PDE3B: variants seen among roughly 807,000 people sequenced by gnomAD.
PDE3B encodes the protein cGMP-inhibited 3',5'-cyclic phosphodiesterase 3B.
Under a neutral mutation model 116.8 loss-of-function variants are expected in PDE3B, and 66 were observed. The ratio of observed to expected loss-of-function variants is 0.56; its 90% CI spans 0.46 to 0.69. The LOEUF is 0.69. Among genes scored for constraint, PDE3B ranks in the 30% least tolerant of loss-of-function variants. The probability of loss-of-function intolerance (pLI) is 0.00; values close to 1 mark genes in which losing one functional copy is unlikely to be tolerated. For synonymous variants in PDE3B, 595 were observed against 533.6 expected, an observed-to-expected ratio of 1.12 and a Z score of -1.59; for missense variants, 1,384 against 1,368.1, an observed-to-expected ratio of 1.01 and a Z score of -0.18.
At chr11:14,834,940 T>C (rs1364043996) in intron 10 of PDE3B, 42 bp from the exon 11 acceptor site, 4 of 1,034,720 alleles carry the variant, frequency 3.9e-6, no homozygotes, top group East Asian at 2.4e-5. Flanking sequence ...TTTTTAAATG[T>C]TGTGTGTTAA....
At chr11:14,674,351 T>A (rs911518521) in intron 1 of PDE3B, 2 of 805,398 alleles carry the variant, frequency 2.5e-6, no homozygotes, top group Admixed American at 3.7e-5. Flanking sequence ...TTCTGCAAAT[T>A]AGTGTCCTTG....
chr11:14,815,938 T>TACAC (rs35596025), intron 5 of PDE3B, among the ~76,000 whole-genome samples: 10,858 of 146,178 alleles, frequency 0.074, 525 homozygotes, highest in African/African-American at 0.14. Context: ...ATTATATTTA[T>TACAC]ACACACACAC....
chr11:14,844,905 G>A (rs979468264), intron 12 of PDE3B, among the ~76,000 whole-genome samples: 9 of 152,232 alleles, frequency 5.9e-5, no homozygotes, highest in African/African-American at 2.2e-4. Flanking sequence ...ACCTCTGGGG[G>A]CAGGGCACAG....
At chr11:14,659,994 A>G (rs1853841771) in intron 1 of PDE3B, among the ~76,000 whole-genome samples, 1 of 152,180 alleles carries the variant, frequency 6.6e-6, no homozygotes, top group African/African-American at 2.4e-5. Flanking sequence ...TGTTCCCCCA[A>G]ATAGTTCACC....
chr11:14,694,712 C>G (rs1855152670), intron 1 of PDE3B, among the ~76,000 whole-genome samples: 1 of 152,134 alleles, frequency 6.6e-6, no homozygotes, highest in Non-Finnish European at 1.5e-5. Context: ...CTGATACTCA[C>G]TTTATTTCAG....
the PDE3B span, among the ~76,000 whole-genome samples, chr11:14,890,700 C>T: frequency 2.6e-5 from 4 of 151,886 alleles, no homozygotes; most frequent in African/African-American, 9.7e-5. Context: ...GTGCCCGCCA[C>T]CACGCCCGGC....
chr11:14,749,920 T>TATATATATATATATA (rs1554989222), intron 1 of PDE3B, among the ~76,000 whole-genome samples: 1 of 41,524 alleles, frequency 2.4e-5, no homozygotes, highest in Non-Finnish European at 4.9e-5. Flanking sequence ...ATATGTATCT[T>TATATATATATATATA]TGTGGAAGCT....
At chr11:14,866,584 A>C (rs1193955094) in intron 14 of PDE3B, among the ~76,000 whole-genome samples, 1 of 152,180 alleles carries the variant, frequency 6.6e-6, no homozygotes, top group African/African-American at 2.4e-5. Flanking sequence ...AATCTCGTAA[A>C]AGATTTCTAA....
At chr11:14,820,620 A>C (rs915686963) in intron 7 of PDE3B, among the ~76,000 whole-genome samples, 13 of 152,174 alleles carry the variant, frequency 8.5e-5, no homozygotes, top group Non-Finnish European at 1.9e-4. Context: ...CATGTGTCGA[A>C]ATCCTATACC....
intron 2 of PDE3B, among the ~76,000 whole-genome samples, chr11:14,777,213 A>G (rs1419595990): frequency 6.6e-6 from 1 of 152,188 alleles, no homozygotes; most frequent in Non-Finnish European, 1.5e-5. Flanking sequence ...ATTTTACAAC[A>G]TAGAGGAAAC....
At chr11:14,864,988 T>C (rs1489786016) in intron 14 of PDE3B, among the ~76,000 whole-genome samples, 1 of 151,564 alleles carries the variant, frequency 6.6e-6, no homozygotes, top group Non-Finnish European at 1.5e-5. Context: ...ATAACTAAGA[T>C]CAGAGCAGAA....
intron 12 of PDE3B, among the ~76,000 whole-genome samples, chr11:14,849,159 A>G (rs950569316): frequency 2.6e-5 from 4 of 152,232 alleles, no homozygotes; most frequent in African/African-American, 9.6e-5. Flanking sequence ...ATGGAACAGA[A>G]CAGAGCCCTC....
At chr11:14,795,894 A>G (rs1208392038) in intron 4 of PDE3B, among the ~76,000 whole-genome samples, 1 of 152,044 alleles carries the variant, frequency 6.6e-6, no homozygotes, top group African/African-American at 2.4e-5. Flanking sequence ...TTATCATTAT[A>G]CTTTCAGTTC....
rs1003321560 is a variant in PDE3B, at chr11:14,833,182, A to T, written c.2206+349A>T. ...TGGCCAGGCTGGTGCTGAACTCCTG[A>T]CCTCTGGTGATCCACCTGCCTTGGC... On this transcript the variant is annotated intron_variant, in intron 10 of 15. Transcript: ENST00000282096. Among the ~76,000 whole-genome samples, 207 of 152,078 alleles carry T rather than the reference A, an allele frequency of 1.4e-3. 1 individual carries two copies. The highest frequency in any genetic ancestry group is 2.2e-4 in the Non-Finnish European group (15 of 67,984).
intron 12 of PDE3B, among the ~76,000 whole-genome samples, chr11:14,844,347 C>G (rs1476154204): frequency 2.0e-5 from 3 of 152,078 alleles, no homozygotes; most frequent in Non-Finnish European, 4.4e-5. Context: ...GATTTCTGTT[C>G]CGCTGGAGCC....
At chr11:14,722,981 G>T (rs2133844681) in intron 1 of PDE3B, among the ~76,000 whole-genome samples, 1 of 152,220 alleles carries the variant, frequency 6.6e-6, no homozygotes, top group Non-Finnish European at 1.5e-5. Context: ...ATGTTTGAGG[G>T]TGTAAATATA....
intron 1 of PDE3B, chr11:14,674,584 TC>T (rs1026078514): frequency 6.1e-6 from 2 of 329,334 alleles, no homozygotes; most frequent in Admixed American, 4.3e-5. Flanking sequence ...CTCCTCCTTC[TC>T]CTACCACCCC....
At chr11:14,678,355 C>T (rs1179355241) in intron 1 of PDE3B, among the ~76,000 whole-genome samples, 2 of 151,910 alleles carry the variant, frequency 1.3e-5, no homozygotes, top group Admixed American at 6.6e-5. Context: ...TAGTGTAATA[C>T]CTGAGAGTGG....
chr11:14,654,590 AAAACT>A lies in PDE3B; in HGVS notation c.978+9542_978+9546del, dbSNP rs1333293247. Among the ~76,000 whole-genome samples the A allele has an allele frequency of 2.0e-5, 3 of 152,238 alleles. No homozygotes were observed. In the East Asian group the frequency reaches 5.8e-4, roughly 29 times the overall value. ...AGGTATACTAATGATAAATATAGGT[AAAACT>A]AAACAAACACTGTTATTATAAGACA... On this transcript the variant is annotated intron_variant, in intron 1 of 15. Transcript: ENST00000282096.
Sources: allele counts gnomAD v4.1 joint callset (sites outside exome capture counted in the v4.1 genomes callset), GRCh38; gene constraint gnomAD v4.1.1; transcripts MANE v1.5; gene names NCBI Gene and HGNC (gene_info 2026-07-23, HGNC 2026-07-21).